Variants in AVEN observed in about 807,000 individuals in gnomAD.
AVEN encodes apoptosis and caspase activation inhibitor.
Under a neutral mutation model 38.1 loss-of-function variants are expected in AVEN, and 41 were observed. That is an observed-to-expected ratio of 1.08 (90% confidence interval 0.84 to 1.40). The LOEUF is 1.40. AVEN is among the 40% of genes most tolerant of loss of function. The probability of loss-of-function intolerance (pLI) is 0.00; values close to 1 mark genes in which losing one functional copy is unlikely to be tolerated. For missense variants in AVEN, 605 were observed against 438.8 expected (o/e 1.38, Z -3.38); for synonymous variants, 206 against 171.8 (o/e 1.20, Z -1.56).
intron 2 of AVEN, among the ~76,000 whole-genome samples, chr15:33,941,330 CCATT>C (rs771504523): frequency 7.9e-5 from 12 of 152,062 alleles, no homozygotes; most frequent in South Asian, 2.1e-4. Context: ...TGACACTGTA[CCATT>C]CAAAGAATCA....
intron 2 of AVEN, among the ~76,000 whole-genome samples, chr15:33,938,930 C>T (rs661635): frequency 0.56 from 84,696 of 151,930 alleles, 26,805 homozygotes; most frequent in East Asian, 0.75. Context: ...CAACCTCTGC[C>T]TTCTGAGTTC....
At chr15:34,017,484 G>GTTTTTTTT (rs60119659) in intron 1 of AVEN, among the ~76,000 whole-genome samples, 5 of 107,342 alleles carry the variant, frequency 4.7e-5, no homozygotes, top group African/African-American at 1.3e-4. Flanking sequence ...TTTTTTTTTT[G>GTTTTTTTT]TTTTTTTTTT....
At chr15:33,992,346 C>A (rs911991432) in intron 2 of AVEN, among the ~76,000 whole-genome samples, 6 of 152,016 alleles carry the variant, frequency 3.9e-5, no homozygotes, top group Non-Finnish European at 8.8e-5. Context: ...GCCGAGATTG[C>A]GCCACTGCAC....
At chr15:33,917,419 A>G (rs962805156) in intron 2 of AVEN, among the ~76,000 whole-genome samples, 11 of 149,588 alleles carry the variant, frequency 7.4e-5, no homozygotes, top group Non-Finnish European at 1.6e-4. Context: ...CTATATATAT[A>G]CACACACTAT....
chr15:34,002,474 C>T (rs532364387), intron 2 of AVEN, among the ~76,000 whole-genome samples: 7 of 152,256 alleles, frequency 4.6e-5, no homozygotes, highest in African/African-American at 1.7e-4. Context: ...CATCACATCA[C>T]TCAAGGTGCA....
chr15:34,062,554 C>CGA (rs1900371377), intron 5 of AVEN: 1 of 409,232 alleles, frequency 2.4e-6, no homozygotes, highest in Middle Eastern at 6.3e-4. Context: ...GATTCTGTCT[C>CGA]AAAAAAAAAA....
chr15:33,893,991 C>A (rs943625980), intron 2 of AVEN, among the ~76,000 whole-genome samples: 1 of 142,896 alleles, frequency 7.0e-6, no homozygotes, highest in Non-Finnish European at 1.5e-5. Context: ...GCTCTGTTGC[C>A]CAGGCTGGAG....
chr15:33,852,948 A>G, the AVEN span: 6 of 1,056,318 alleles, frequency 5.7e-6, no homozygotes, highest in Non-Finnish European at 8.5e-6. Flanking sequence ...ACAAACCAGA[A>G]AGATCCCAGA....
chr15:33,965,803 C>T (rs1004940400), intron 2 of AVEN, among the ~76,000 whole-genome samples: 4 of 152,072 alleles, frequency 2.6e-5, no homozygotes, highest in African/African-American at 9.7e-5. Context: ...GGTGGAAAAA[C>T]AAGCCATCCA....
chr15:33,873,942 GCC>G (rs1168164138), intron 3 of AVEN, among the ~76,000 whole-genome samples: 5 of 150,568 alleles, frequency 3.3e-5, no homozygotes, highest in Non-Finnish European at 1.5e-5. Context: ...CACGCTCACT[GCC>G]TGACCCTCTC....
chr15:33,985,924 G>T (rs79918956), intron 2 of AVEN, among the ~76,000 whole-genome samples: 1 of 152,006 alleles, frequency 6.6e-6, no homozygotes, highest in African/African-American at 2.4e-5. Context: ...TTCTCTCAAG[G>T]GCAGAATGCC....
chr15:33,880,934 T>C (rs77626651), intron 2 of AVEN, among the ~76,000 whole-genome samples: 2,404 of 152,062 alleles, frequency 0.016, 31 homozygotes, highest in South Asian at 0.041. Flanking sequence ...ACATAAAGAA[T>C]ATAAAGAAGA....
intron 2 of AVEN, among the ~76,000 whole-genome samples, chr15:33,906,517 C>G (rs916865557): frequency 3.9e-5 from 6 of 152,220 alleles, no homozygotes; most frequent in Non-Finnish European, 8.8e-5. Context: ...GTTCCAGTCC[C>G]TGCTTTCAAT....
chr15:33,865,626 C>CT (rs1890245135), downstream of AVEN: 1 of 111,152 alleles, frequency 9.0e-6, no homozygotes, highest in South Asian at 1.9e-4. Context: ...ACTTGTGACT[C>CT]ATAGGGTCTG....
intron 11 of AVEN, chr15:33,860,759 C>T (rs1466595144): frequency 1.1e-6 from 1 of 925,960 alleles, no homozygotes; most frequent in East Asian, 2.6e-5. Context: ...AGGGCCAGTA[C>T]TAAGCAAGAA....
At chr15:33,951,611 C>T (rs968604953) in intron 2 of AVEN, among the ~76,000 whole-genome samples, 1 of 151,012 alleles carries the variant, frequency 6.6e-6, no homozygotes, top group African/African-American at 2.4e-5. Flanking sequence ...AAAATTCCTT[C>T]TTTCATTCCC....
At chr15:34,010,268 A>G (rs1473487062) in intron 1 of AVEN, among the ~76,000 whole-genome samples, 1 of 152,192 alleles carries the variant, frequency 6.6e-6, no homozygotes, top group Non-Finnish European at 1.5e-5. Context: ...TGGCCCACCT[A>G]TGAACAGTAT....
At chr15:33,857,374 CCTT>C (rs2079799306), downstream of AVEN, among the ~76,000 whole-genome samples, 1 of 151,710 alleles carries the variant, frequency 6.6e-6, no homozygotes, top group South Asian at 2.1e-4. Context: ...GTCTCCAACT[CCTT>C]TTCTTCTAAG....
chr15:34,003,143 T>G lies in AVEN; in HGVS notation c.334A>C (p.Arg112=). 1 of 1,613,870 alleles carries G rather than the reference T, an allele frequency of 6.2e-7. No homozygotes were observed. Among genetic ancestry groups the G allele is most frequent in the South Asian group, 1.1e-5 (1 of 91,064 alleles). Residue 112 remains arginine, a synonymous_variant, in exon 2 of 6, where the codon AGA becomes CGA. Transcript: ENST00000306730. ...CGATCCCAGTTAGAGACAATCTTTC[T>G]TTTAGAATAATTTCCCTGTTCATCA... ...ENDEQGNYSK[R]KIVSNWDRYQ...
Sources: allele counts gnomAD v4.1 joint callset (sites outside exome capture counted in the v4.1 genomes callset), GRCh38; gene constraint gnomAD v4.1.1; transcripts MANE v1.5; gene names NCBI Gene and HGNC (gene_info 2026-07-23, HGNC 2026-07-21).